The following IFNG variants were observed in gnomAD, a reference collection of about 807,000 sequenced individuals.
IFNG encodes interferon gamma.
IFNG carries 8 observed loss-of-function variants against 14.4 expected under a neutral mutation model. That is an observed-to-expected ratio of 0.56 (90% CI 0.33 to 1.00). The LOEUF (loss-of-function observed/expected upper bound fraction) is 1.00, where lower values mean the gene tolerates loss of function less well. Among genes scored for constraint, IFNG ranks in the 50% least tolerant of loss-of-function variants. IFNG has a pLI of 0.03. For synonymous variants in IFNG, 73 were observed against 65.4 expected (o/e 1.12, Z -0.56); for missense variants, 132 against 194.9 (o/e 0.68, Z 1.92).
chr12:68,157,632 T>C (rs781496413), intron 3 of IFNG, among the ~76,000 whole-genome samples: 2 of 152,206 alleles, frequency 1.3e-5, no homozygotes, highest in Non-Finnish European at 2.9e-5. Flanking sequence ...TACTCCCCGC[T>C]TCTTCCTCAC....
At chr12:68,155,779 G>C (rs956280012) in intron 3 of IFNG, among the ~76,000 whole-genome samples, 2 of 152,114 alleles carry the variant, frequency 1.3e-5, no homozygotes, top group African/African-American at 4.8e-5. Context: ...AAAAAGGTGG[G>C]TTTGAATCTC....
chr12:68,157,862 T>C (rs1882623943), intron 3 of IFNG, 51 bp downstream of exon 3: 1 of 1,340,196 alleles, frequency 7.5e-7, no homozygotes, highest in Non-Finnish European at 1.0e-6. Flanking sequence ...GAATAAATGC[T>C]TTGCAAGACC....
intron 3 of IFNG, among the ~76,000 whole-genome samples, chr12:68,156,209 T>C (rs1228306828): frequency 1.3e-5 from 2 of 152,338 alleles, no homozygotes; most frequent in South Asian, 2.1e-4. Flanking sequence ...ATTTCCATAA[T>C]AGATTTTAAA....
rs1882575032 is a variant in IFNG, at chr12:68,154,793, T to C, written c.*560A>G. On this transcript the variant is annotated 3_prime_UTR_variant, in exon 4 of 4. Transcript: ENST00000229135. ...TAGTTGTGAACTTACACTTTATTCA[T>C]ATATATTAGATATTGATAATTTTAA... 6.5e-6 allele frequency: 1 copy of C among 152,796 alleles called. No individual in the cohort carries two copies. The highest frequency in any genetic ancestry group is 1.5e-5 in the Non-Finnish European group (1 of 68,060). The allele number at this position is 152,796 out of a possible 1,614,324, so 9.5% of individuals were successfully genotyped here.
At chr12:68,158,298 C>A (rs1169348041) in intron 1 of IFNG, 39 bp from the exon 2 acceptor site, 1 of 1,353,860 alleles carries the variant, frequency 7.4e-7, no homozygotes, top group South Asian at 1.3e-5. Flanking sequence ...TACAATTAGC[C>A]CATAAATTGC....
At chr12:68,159,070 C>T (rs971532896) in intron 1 of IFNG, among the ~76,000 whole-genome samples, 1 of 152,034 alleles carries the variant, frequency 6.6e-6, no homozygotes, top group South Asian at 2.1e-4. Flanking sequence ...TAAGCCAAAG[C>T]TTTAAGGACC....
At chr12:68,156,882 G>C (rs1020492834) in intron 3 of IFNG, among the ~76,000 whole-genome samples, 5 of 152,132 alleles carry the variant, frequency 3.3e-5, no homozygotes, top group Non-Finnish European at 7.3e-5. Flanking sequence ...TACATGAGAG[G>C]AGTGAGAGGC....
rs1423444036 is a variant in IFNG at position 68,155,599 on chromosome 12, G to A, written c.367-112C>T. On this transcript the variant is annotated intron_variant, in intron 3 of 3. Coordinates refer to ENST00000229135, the MANE Select transcript of IFNG (RefSeq NM_000619.3). ...AAAGTATTCCTTTAAAAAATGGACC[G>A]TATTACCTTAATATACAATATTTAC... 1.9e-5 allele frequency: 17 copies of A among 879,884 alleles called. 1 individual carries two copies. Among genetic ancestry groups the A allele is most frequent in the East Asian group, 1.7e-4 (6 of 35,202 alleles). 54.5% of individuals were successfully genotyped at this position (879,884 alleles called of 1,614,324 possible).
At chr12:68,157,096 T>C (rs1045874370) in intron 3 of IFNG, among the ~76,000 whole-genome samples, 16 of 152,210 alleles carry the variant, frequency 1.1e-4, no homozygotes, top group African/African-American at 3.6e-4. Flanking sequence ...AAGCCATAAC[T>C]TAAAGATACA....
Position 68,155,240 on chromosome 12 carries a change from TATAA to T in IFNG, c.*109_*112del. On this transcript the variant is annotated 3_prime_UTR_variant, in exon 4 of 4. Transcript: ENST00000229135. ...ATTTTCATTACACAAAAGTTGCTAT[TATAA>T]ATACTTATTTGATTGATGAGTCTAA... is the stretch of plus-strand genomic sequence containing the variant. 1.5e-6 allele frequency: 1 copy of T among 660,534 alleles called. No homozygotes were observed. The allele number at this position is 660,534 out of a possible 1,614,324, so 40.9% of individuals were successfully genotyped here.
chr12:68,155,347 C>T lies in IFNG; in HGVS notation c.*6G>A. On this transcript the variant is annotated 3_prime_UTR_variant, in exon 4 of 4. Transcript: ENST00000229135. The stretch of plus-strand genomic sequence containing the variant: ...TAAAATTCAAATATTGCAGGCAGGA[C>T]AACCATTACTGGGATGCTCTTCGAC... 6.3e-7 allele frequency: 1 copy of T among 1,582,968 alleles called. No homozygotes were observed. The highest frequency in any genetic ancestry group is 1.8e-5 in the Admixed American group (1 of 55,922).
chr12:68,157,614 C>T lies in IFNG; in HGVS notation c.366+299G>A, dbSNP rs56380407. On this transcript the variant is annotated intron_variant, in intron 3 of 3. Transcript: ENST00000229135. ...TGAGCAAGGGACAATGAGAGAACTG[C>T]TTCTCAGTACTCCCCGCTTCTTCCT... is the stretch of plus-strand genomic sequence containing the variant. 2.2e-3 allele frequency among the ~76,000 whole-genome samples: 328 copies of T among 152,328 alleles called. 3 individuals carry two copies. The highest frequency in any genetic ancestry group is 3.6e-3 in the Non-Finnish European group (246 of 68,020).
rs1330436545 is a variant in IFNG at position 68,158,251 on chromosome 12, A to G, written c.123T>C (p.Gly41=). 1 of 1,560,626 alleles carries G rather than the reference A, an allele frequency of 6.4e-7. No homozygotes were observed. The highest frequency in any genetic ancestry group is 2.0e-5 in the Admixed American group (1 of 50,420). ...TTCCATTATCCGCTACATCTGAATG[A>G]CCTGCATTCTAAAAAAAAAAAAAGA... ...AENLKKYFNA[G]HSDVADNGTL... The change falls in exon 2 of 4, where the codon GGT becomes GGC. Residue 41 remains glycine, a synonymous_variant. Coordinates refer to ENST00000229135, the MANE Select transcript of IFNG (RefSeq NM_000619.3).
At chr12:68,156,302 C>T (rs1882600345) in intron 3 of IFNG, among the ~76,000 whole-genome samples, 1 of 152,114 alleles carries the variant, frequency 6.6e-6, no homozygotes, top group Non-Finnish European at 1.5e-5. Context: ...TTTCCAGTAC[C>T]CTGCCTTCTA....
chr12:68,158,087 G>A lies in IFNG; in HGVS notation c.192C>T (p.Asp64=). ...CAATTTGGCTCTGCATTATTTTTCT[G>A]TCACTCTCCTTGGAAGGAAAGAGCA... ...GILKNWKEES[D]RKIMQSQIVS... is the part of the protein sequence containing the mutation. Residue 64 remains aspartate (D), a synonymous_variant, in exon 3 of 4, where the codon GAC becomes GAT. Coordinates refer to ENST00000229135, the MANE Select transcript of IFNG (RefSeq NM_000619.3). 1 of 1,598,036 alleles carries A rather than the reference G, an allele frequency of 6.3e-7. No homozygotes were observed.
At chr12:68,158,922 A>G (rs1476150225) in intron 1 of IFNG, among the ~76,000 whole-genome samples, 2 of 152,214 alleles carry the variant, frequency 1.3e-5, no homozygotes, top group Non-Finnish European at 2.9e-5. Flanking sequence ...AAATTTTTAA[A>G]CATTCCTTAG....
At chr12:68,157,285 G>A (rs1000425314) in intron 3 of IFNG, among the ~76,000 whole-genome samples, 4 of 152,294 alleles carry the variant, frequency 2.6e-5, no homozygotes, top group Admixed American at 1.3e-4. Flanking sequence ...TGATAGGTTG[G>A]CTAGAGACTT....
intron 3 of IFNG, among the ~76,000 whole-genome samples, chr12:68,156,445 A>G (rs1024519481): frequency 4.4e-5 from 2 of 45,492 alleles, no homozygotes; most frequent in Non-Finnish European, 6.7e-5. Context: ...TGGGAACACT[A>G]TGGCTACTCA....
intron 3 of IFNG, 48 bp from the exon 4 acceptor site, chr12:68,155,535 C>G (rs1182895267): frequency 6.5e-7 from 1 of 1,541,012 alleles, no homozygotes; most frequent in East Asian, 2.4e-5. Flanking sequence ...TATAAGCCAT[C>G]AGGATATTCT....
Sources: allele counts gnomAD v4.1 joint callset (sites outside exome capture counted in the v4.1 genomes callset), GRCh38; gene constraint gnomAD v4.1.1; transcripts MANE v1.5; gene names NCBI Gene and HGNC (gene_info 2026-07-23, HGNC 2026-07-21).